Variants in ST6GAL1 observed in about 807,000 individuals in gnomAD.
ST6GAL1 encodes ST6 beta-galactoside alpha-2,6-sialyltransferase 1.
In ST6GAL1, 20 loss-of-function variants were observed where a neutral mutation model predicts 38.0. The ratio of observed to expected loss-of-function variants is 0.53; its 90% CI spans 0.37 to 0.77. ST6GAL1 has a LOEUF of 0.77. ST6GAL1 is among the 30% of genes least tolerant of loss of function. The probability of loss-of-function intolerance (pLI) is 0.00; values close to 1 mark genes in which losing one functional copy is unlikely to be tolerated. For missense variants in ST6GAL1, 432 were observed against 496.4 expected (o/e 0.87, Z 1.23); for synonymous variants, 196 against 188.2 (o/e 1.04, Z -0.34).
At chr3:187,020,961 G>GTTT (rs139348671) in intron 2 of ST6GAL1, among the ~76,000 whole-genome samples, 3 of 146,754 alleles carry the variant, frequency 2.0e-5, no homozygotes, top group Non-Finnish European at 3.0e-5. Flanking sequence ...TGTATTGGTG[G>GTTT]TTTTTTTTTT....
chr3:187,005,457 A>G (rs531878413), intron 2 of ST6GAL1, among the ~76,000 whole-genome samples: 1 of 151,634 alleles, frequency 6.6e-6, no homozygotes, highest in South Asian at 2.1e-4. Context: ...TGTATTTTTT[A>G]GTAGAGATGG....
At chr3:186,951,823 G>T (rs1020508967) in intron 1 of ST6GAL1, among the ~76,000 whole-genome samples, 4 of 152,170 alleles carry the variant, frequency 2.6e-5, no homozygotes, top group Non-Finnish European at 4.4e-5. Context: ...GAAATGTATT[G>T]CTCATAGTTC....
chr3:186,979,097 T>C (rs370999438), intron 2 of ST6GAL1, among the ~76,000 whole-genome samples: 2 of 152,258 alleles, frequency 1.3e-5, no homozygotes, highest in African/African-American at 4.8e-5. Context: ...GCCCTATTTA[T>C]TTCTGTATCA....
At chr3:186,985,732 G>A (rs564379065) in intron 2 of ST6GAL1, among the ~76,000 whole-genome samples, 5 of 149,726 alleles carry the variant, frequency 3.3e-5, no homozygotes, top group South Asian at 4.2e-4. Context: ...CCGAGATTGC[G>A]CCACTGCGCT....
At chr3:186,977,433 T>G (rs1455559958) in intron 2 of ST6GAL1, among the ~76,000 whole-genome samples, 1 of 152,172 alleles carries the variant, frequency 6.6e-6, no homozygotes, top group Non-Finnish European at 1.5e-5. Flanking sequence ...TTGGCCAGAG[T>G]TTGCGGAAGA....
At chr3:186,985,656 T>C (rs1031768872) in intron 2 of ST6GAL1, among the ~76,000 whole-genome samples, 4 of 149,278 alleles carry the variant, frequency 2.7e-5, no homozygotes. Flanking sequence ...ATGCCTATAG[T>C]CCCAGCTACT....
At chr3:186,979,539 A>G (rs1057382239) in intron 2 of ST6GAL1, among the ~76,000 whole-genome samples, 11 of 152,166 alleles carry the variant, frequency 7.2e-5, no homozygotes, top group African/African-American at 2.7e-4. Flanking sequence ...AGAGGAGTCG[A>G]AACAGAGACA....
At chr3:186,989,587 A>G (rs1031198472) in intron 2 of ST6GAL1, among the ~76,000 whole-genome samples, 1 of 152,194 alleles carries the variant, frequency 6.6e-6, no homozygotes, top group African/African-American at 2.4e-5. Flanking sequence ...CCTATGCACC[A>G]TGTTCGAGGG....
intron 4 of ST6GAL1, among the ~76,000 whole-genome samples, chr3:187,048,791 C>G (rs960034971): frequency 2.0e-5 from 3 of 151,980 alleles, no homozygotes; most frequent in Admixed American, 2.0e-4. Flanking sequence ...TCTGTTCTAA[C>G]CTAAGCCTTC....
At chr3:186,945,822 C>CA (rs913362504) in intron 1 of ST6GAL1, among the ~76,000 whole-genome samples, 39 of 146,494 alleles carry the variant, frequency 2.7e-4, no homozygotes, top group Middle Eastern at 3.5e-3. Context: ...CTGTCTCTAC[C>CA]AAAAAAAAAT....
At chr3:187,053,300 T>G (rs1347045208) in intron 5 of ST6GAL1, among the ~76,000 whole-genome samples, 1 of 152,232 alleles carries the variant, frequency 6.6e-6, no homozygotes, top group Non-Finnish European at 1.5e-5. Flanking sequence ...CTCTTTAGTT[T>G]AATTAGATCC....
At chr3:187,062,283 A>C (rs1017415821) in intron 5 of ST6GAL1, among the ~76,000 whole-genome samples, 1 of 152,168 alleles carries the variant, frequency 6.6e-6, no homozygotes, top group African/African-American at 2.4e-5. Flanking sequence ...CAGTGCCTCA[A>C]AAACTTAAAA....
At chr3:186,946,898 A>T (rs985902144) in intron 1 of ST6GAL1, among the ~76,000 whole-genome samples, 2 of 152,150 alleles carry the variant, frequency 1.3e-5, no homozygotes, top group African/African-American at 4.8e-5. Context: ...CTCTAGGCAG[A>T]ACAAAATACG....
chr3:187,000,188 G>A (rs548226411), intron 2 of ST6GAL1, among the ~76,000 whole-genome samples: 1 of 152,184 alleles, frequency 6.6e-6, no homozygotes, highest in South Asian at 2.1e-4. Flanking sequence ...TGTAACAATG[G>A]TCACTTGTAA....
At chr3:187,066,593 C>CGTGT (rs1458356844) in intron 5 of ST6GAL1, among the ~76,000 whole-genome samples, 1 of 121,446 alleles carries the variant, frequency 8.2e-6, no homozygotes, top group African/African-American at 3.1e-5. Context: ...TGAAGATGTG[C>CGTGT]GTGCGTGCGT....
At chr3:187,026,781 C>T (rs1050280252) in intron 2 of ST6GAL1, among the ~76,000 whole-genome samples, 3 of 152,182 alleles carry the variant, frequency 2.0e-5, no homozygotes, top group Non-Finnish European at 2.9e-5. Context: ...TGCGGTGGCT[C>T]ACGCCTGTAA....
intron 7 of ST6GAL1, among the ~76,000 whole-genome samples, chr3:187,074,772 C>T (rs556530156): frequency 3.3e-5 from 5 of 152,016 alleles, no homozygotes; most frequent in South Asian, 2.1e-4. Flanking sequence ...GCACCTCAGA[C>T]GAGGGGAGCA....
intron 2 of ST6GAL1, among the ~76,000 whole-genome samples, chr3:187,012,319 AC>A (rs1440415669): frequency 6.6e-6 from 1 of 151,304 alleles, no homozygotes; most frequent in Non-Finnish European, 1.5e-5. Flanking sequence ...GTGCAGTGGC[AC>A]GATCTCGGCT....
intron 3 of ST6GAL1, among the ~76,000 whole-genome samples, chr3:187,042,290 A>G (rs1718150888): frequency 6.6e-6 from 1 of 152,004 alleles, no homozygotes; most frequent in Non-Finnish European, 1.5e-5. Context: ...GATTTGCAAG[A>G]TGTGGTTTCT....
Sources: gnomAD v4.1 joint callset for allele counts (sites outside exome capture counted in the v4.1 genomes callset) on GRCh38, gnomAD v4.1.1 for gene constraint, MANE v1.5 for transcripts, NCBI Gene and HGNC (gene_info 2026-07-23, HGNC 2026-07-21) for gene names.